Variants in RBMS3 observed in about 807,000 individuals in gnomAD.
RBMS3 encodes the protein RNA binding motif single stranded interacting protein 3, also known as RNA-binding motif, single-stranded-interacting protein 3.
In RBMS3, 27 loss-of-function variants were observed where a neutral mutation model predicts 66.8. The observed-to-expected ratio is 0.40, with a 90% CI of 0.30 to 0.56. The LOEUF is 0.56. Ranked by LOEUF, RBMS3 falls within the 20% of genes least tolerant of loss-of-function variation. The pLI, the probability that RBMS3 is intolerant of heterozygous loss-of-function variation, is 0.40. For missense variants in RBMS3, 513 were observed against 549.5 expected (o/e 0.93, Z 0.66); for synonymous variants, 188 against 183.0 (o/e 1.03, Z -0.22).
chr3:29,745,810 A>G (rs1458217479), intron 5 of RBMS3, among the ~76,000 whole-genome samples: 4 of 152,100 alleles, frequency 2.6e-5, no homozygotes, highest in Non-Finnish European at 5.9e-5. Flanking sequence ...GACTTCTAAC[A>G]TATGGGCAGC....
intron 3 of RBMS3, among the ~76,000 whole-genome samples, chr3:29,543,616 A>G (rs1000325623): frequency 1.3e-5 from 2 of 152,186 alleles, no homozygotes; most frequent in African/African-American, 4.8e-5. Context: ...TGGCTGAGGC[A>G]GGAGAATTGC....
intron 4 of RBMS3, among the ~76,000 whole-genome samples, chr3:29,687,900 AATG>A (rs1451518936): frequency 6.6e-6 from 1 of 152,202 alleles, no homozygotes; most frequent in Non-Finnish European, 1.5e-5. Context: ...AGTAGTATAG[AATG>A]ATAATTACAT....
intron 3 of RBMS3, among the ~76,000 whole-genome samples, chr3:29,524,895 AT>A (rs2045032544): frequency 6.6e-6 from 1 of 152,014 alleles, no homozygotes; most frequent in East Asian, 2.0e-4. Context: ...TCTAAAAAAA[AT>A]TTTTTTTAAT....
chr3:29,362,863 G>A (rs2037682347), intron 1 of RBMS3, among the ~76,000 whole-genome samples: 1 of 152,162 alleles, frequency 6.6e-6, no homozygotes, highest in South Asian at 2.1e-4. Context: ...TTGTATTCCT[G>A]TTCTTTAGTC....
chr3:29,309,093 G>A (rs1312292886), intron 1 of RBMS3, among the ~76,000 whole-genome samples: 1 of 151,742 alleles, frequency 6.6e-6, no homozygotes, highest in African/African-American at 2.4e-5. Context: ...AAGGAACTGT[G>A]GAGGCAGCAT....
chr3:29,489,658 A>G (rs1276997641), intron 3 of RBMS3, among the ~76,000 whole-genome samples: 1 of 151,270 alleles, frequency 6.6e-6, no homozygotes, highest in East Asian at 1.9e-4. Context: ...TATAAAGTCA[A>G]GGTAGAATGG....
At chr3:29,517,305 G>A (rs866978066) in intron 3 of RBMS3, among the ~76,000 whole-genome samples, 2 of 111,378 alleles carry the variant, frequency 1.8e-5, no homozygotes, top group African/African-American at 3.8e-5. Context: ...GTGTGTGTGT[G>A]TGTATATATA....
Position 29,428,514 on chromosome 3 carries a change from T to A in RBMS3, c.76-6229T>A, listed in dbSNP as rs9854850. On this transcript the variant is annotated intron_variant, in intron 1 of 14. Transcript: ENST00000383767. ...AGTGTATAAAAAAATTGTTAAATAA[T>A]TTGCTTTACTCTATTGATGTGTGAG... Among the ~76,000 whole-genome samples, 9 of 151,814 alleles carry A rather than the reference T, an allele frequency of 5.9e-5. 1 individual carries two copies. In the South Asian group the frequency reaches 1.9e-3, roughly 32 times the overall value.
chr3:29,661,655 T>C (rs2050556518), intron 4 of RBMS3, among the ~76,000 whole-genome samples: 1 of 151,686 alleles, frequency 6.6e-6, no homozygotes, highest in Admixed American at 6.6e-5. Context: ...AATCCACTGG[T>C]CATTTCTCTT....
At chr3:29,601,384 A>G (rs1440002043) in intron 4 of RBMS3, among the ~76,000 whole-genome samples, 1 of 152,002 alleles carries the variant, frequency 6.6e-6, no homozygotes, top group East Asian at 1.9e-4. Context: ...TACTCTATTT[A>G]GTAAGCTGTT....
intron 1 of RBMS3, among the ~76,000 whole-genome samples, chr3:29,313,126 C>A (rs2125471305): frequency 6.6e-6 from 1 of 151,876 alleles, no homozygotes; most frequent in Middle Eastern, 3.4e-3. Context: ...CATTTCTTAT[C>A]TTGCTTGTTA....
At chr3:29,955,752 T>C (rs1279253496) in intron 12 of RBMS3, among the ~76,000 whole-genome samples, 2 of 152,092 alleles carry the variant, frequency 1.3e-5, no homozygotes, top group Non-Finnish European at 2.9e-5. Flanking sequence ...CTTCCTTCCA[T>C]ATTGGGAATC....
chr3:29,363,282 C>G (rs942725628), intron 1 of RBMS3, among the ~76,000 whole-genome samples: 12 of 152,076 alleles, frequency 7.9e-5, no homozygotes, highest in Non-Finnish European at 1.5e-4. Context: ...CTAGATTGTT[C>G]CTTATTTTTG....
intron 10 of RBMS3, among the ~76,000 whole-genome samples, chr3:29,934,571 C>A (rs1180383394): frequency 6.6e-6 from 1 of 152,082 alleles, no homozygotes; most frequent in Non-Finnish European, 1.5e-5. Context: ...TTATGTTTCT[C>A]ATTTAAGAGG....
chr3:29,719,568 G>A (rs1305991902), intron 4 of RBMS3, among the ~76,000 whole-genome samples: 1 of 152,088 alleles, frequency 6.6e-6, no homozygotes, highest in African/African-American at 2.4e-5. Context: ...GAAACTAGAT[G>A]AGTCAGATTG....
chr3:29,892,843 G>GTATGTATGTATGTATGTATT (rs1336972891), intron 8 of RBMS3, among the ~76,000 whole-genome samples: 1 of 137,434 alleles, frequency 7.3e-6, no homozygotes, highest in Non-Finnish European at 1.5e-5. Flanking sequence ...ATGTATGTAT[G>GTATGTATGTATGTATGTATT]TATTTATTTA....
chr3:29,963,252 A>T (rs1696603388), intron 12 of RBMS3, among the ~76,000 whole-genome samples: 1 of 152,154 alleles, frequency 6.6e-6, no homozygotes, highest in Non-Finnish European at 1.5e-5. Context: ...TAGTAAAATC[A>T]CCATGTGAGC....
chr3:29,508,721 G>A (rs186629463), intron 3 of RBMS3, among the ~76,000 whole-genome samples: 163 of 151,672 alleles, frequency 1.1e-3, no homozygotes, highest in African/African-American at 3.3e-3. Flanking sequence ...ACCCAGTTAC[G>A]GGATTACTGG....
At chr3:29,361,276 G>T (rs2037567549) in intron 1 of RBMS3, among the ~76,000 whole-genome samples, 3 of 152,114 alleles carry the variant, frequency 2.0e-5, no homozygotes, top group Admixed American at 2.0e-4. Context: ...TTGCTTGTCT[G>T]TAAAGGATTT....
Sources: allele counts gnomAD v4.1 joint callset (sites outside exome capture counted in the v4.1 genomes callset), GRCh38; gene constraint gnomAD v4.1.1; transcripts MANE v1.5; gene names NCBI Gene and HGNC (gene_info 2026-07-23, HGNC 2026-07-21).